NEFL: variants seen among roughly 807,000 people sequenced by gnomAD.
NEFL encodes neurofilament light polypeptide.
In NEFL, 36 loss-of-function variants were observed where a neutral mutation model predicts 51.6. That is an observed-to-expected ratio of 0.70 (90% CI 0.53 to 0.92). The LOEUF (loss-of-function observed/expected upper bound fraction) is 0.92. NEFL is among the 40% of genes least tolerant of loss of function. NEFL has a pLI of 0.00. For missense variants in NEFL, 671 were observed against 722.0 expected, an observed-to-expected ratio of 0.93 and a Z score of 0.81; for synonymous variants, 332 against 302.5, an observed-to-expected ratio of 1.10 and a Z score of -1.01.
chr8:24,953,431 C>T (rs753275620), intron 3 of NEFL, 45 bp downstream of exon 3: 1 of 1,544,976 alleles, frequency 6.5e-7, no homozygotes, highest in Non-Finnish European at 8.7e-7. Context: ...CAAATCTCCA[C>T]ACCCAGTTTA....
At position 24,951,463 on chromosome 8, in the gene NEFL, G is replaced by A. The variant is rs556208645; in HGVS notation, c.*1347C>T. 9.8e-5 allele frequency: 15 copies of A among 152,288 alleles called. No individual in the cohort carries two copies. The highest frequency in any genetic ancestry group is 3.6e-4 in the African/African-American group (15 of 41,562). 9.4% of individuals were successfully genotyped at this position (152,288 alleles called of 1,614,324 possible). A position where few individuals can be genotyped will look rare whatever the true frequency, so the allele number is the denominator to read the frequency against. On this transcript the variant is annotated 3_prime_UTR_variant, in exon 4 of 4. Transcript: ENST00000610854. ...TATATTTATTCCACATCAAATGCAA[G>A]AGCGTTCTTAACTTTACGACAGAAA...
chr8:24,955,983 T>C lies in NEFL; in HGVS notation c.533A>G (p.Tyr178Cys). The C allele has an allele frequency of 1.2e-6, 2 of 1,603,378 alleles. No individual in the cohort carries two copies. Among genetic ancestry groups the C allele is most frequent in the Non-Finnish European group, 1.7e-6 (2 of 1,179,084 alleles). The change falls in exon 1 of 4, where the codon TAT becomes TGT. Residue 178 changes from tyrosine (Y) to cysteine (C), a missense_variant. By Grantham distance (194) the Tyr-to-Cys change is radical. Transcript: ENST00000610854. The surrounding 1 kb of genome is among the most constrained non-coding windows in gnomAD (Gnocchi z 4.0). Reference sequence around the variant, plus strand: ...CTCGCGGCTCAGCACCTCCTCTTCATAGCGCGCCTGCAGGTTGCGCAGGGT... The same window carrying C: ...CTCGCGGCTCAGCACCTCCTCTTCACAGCGCGCCTGCAGGTTGCGCAGGGT... ...EETLRNLQAR[Y>C]EEEVLSREDA...
Position 24,952,677 on chromosome 8 carries a change from G to T in NEFL, c.*133C>A. ...GCACAACATTGAATGTCCAACCTAA[G>T]TCATCTCAGAATTATACATATATTG... On this transcript the variant is annotated 3_prime_UTR_variant, in exon 4 of 4. Transcript: ENST00000610854. 1 of 1,372,790 alleles carries T rather than the reference G, an allele frequency of 7.3e-7. No homozygotes were observed. The highest frequency in any genetic ancestry group is 9.9e-7 in the Non-Finnish European group (1 of 1,008,292). The allele number at this position is 1,372,790 out of a possible 1,614,324, so 85.0% of individuals were successfully genotyped here. A position where few individuals can be genotyped will look rare whatever the true frequency, so the allele number is the denominator to read the frequency against.
rs1158831402 is a variant in NEFL, at chr8:24,955,156, C to T, written c.1044+316G>A. 4.7e-6 allele frequency: 2 copies of T among 425,956 alleles called. No homozygotes were observed. The highest frequency in any genetic ancestry group is 4.0e-5 in the East Asian group (1 of 24,720). The allele number at this position is 425,956 out of a possible 1,614,324, so 26.4% of individuals were successfully genotyped here. On this transcript the variant is annotated intron_variant, in intron 1 of 3. Transcript: ENST00000610854. The surrounding 1 kb of genome is among the most constrained non-coding windows in gnomAD (Gnocchi z 4.0). ...AAAGTAACTTGTGGTTAATGCAGGT[C>T]AGTAGAGAGCTGATCTCACTGCAGG... is the stretch of plus-strand genomic sequence containing the variant.
At position 24,955,995 on chromosome 8, in the gene NEFL, A is replaced by G. The variant is rs768346246; in HGVS notation, c.521T>C (p.Leu174Pro). Residue 174 changes from leucine (L) to proline (P), a missense_variant, in exon 1 of 4, where the codon CTG becomes CCG. Physicochemically the swap from Leu to Pro is moderately conservative, Grantham distance 98 (BLOSUM62 -3). Transcript: ENST00000610854. This position sits in a 1 kb window ranked among gnomAD's most constrained non-coding sequence, Gnocchi z 4.0. ...REGLEETLRN[L>P]QARYEEEVLS... Reference sequence around the variant, plus strand: ...CACCTCCTCTTCATAGCGCGCCTGCAGGTTGCGCAGGGTCTCCTCCAGCCC... The same window carrying G: ...CACCTCCTCTTCATAGCGCGCCTGCGGGTTGCGCAGGGTCTCCTCCAGCCC... 1 of 1,603,758 alleles carries G rather than the reference A, an allele frequency of 6.2e-7. No homozygotes were observed. The highest frequency in any genetic ancestry group is 8.5e-7 in the Non-Finnish European group (1 of 1,179,048).
In NEFL at chr8:24,952,797, A is replaced by C. The variant is rs1245558576; in HGVS notation, c.*13T>G. 6.2e-7 allele frequency: 1 copy of C among 1,613,914 alleles called. No individual in the cohort carries two copies. Among genetic ancestry groups the C allele is most frequent in the Non-Finnish European group, 8.5e-7 (1 of 1,179,870 alleles). On this transcript the variant is annotated 3_prime_UTR_variant, in exon 4 of 4. Coordinates refer to ENST00000610854, the MANE Select transcript of NEFL (RefSeq NM_006158.5). The stretch of plus-strand genomic sequence containing the variant: ...GGGAGAATTATTCCTGAAATAATTA[A>C]GGAAATGGGGGTTCAATCTTTCTTC...
chr8:24,954,755 T>A (rs1563251524), intron 1 of NEFL, among the ~76,000 whole-genome samples: 1 of 152,092 alleles, frequency 6.6e-6, no homozygotes, highest in African/African-American at 2.4e-5. Flanking sequence ...GTATCTAAAT[T>A]ATTTTTTCTA....
At chr8:24,953,820 G>T (rs1298085231) in intron 2 of NEFL, 25 bp from the exon 3 acceptor site, 2 of 1,581,936 alleles carry the variant, frequency 1.3e-6, no homozygotes, top group Middle Eastern at 1.9e-4. Flanking sequence ...GCAAGGTGAG[G>T]TTAAAAAACA....
rs754118787 is a variant in NEFL at position 24,954,219 on chromosome 8, G to A, written c.1131C>T (p.Asn377=). 30 of 1,613,608 alleles carry A rather than the reference G, an allele frequency of 1.9e-5. No homozygotes were observed. The Middle Eastern group carries it at 4.9e-4, about 27-fold the overall frequency. The change falls in exon 2 of 4, where the codon AAC becomes AAT. Residue 377 remains asparagine, a synonymous_variant. Coordinates refer to ENST00000610854, the MANE Select transcript of NEFL (RefSeq NM_006158.5). ...TCTCAATATCCAAAGCCATCTTCAC[G>A]TTGAGGAGGTCTTGGTATTCTTTTA... ...RYLKEYQDLL[N]VKMALDIEIA...
Position 24,955,215 on chromosome 8 carries a change from T to A in NEFL, c.1044+257A>T. 2.4e-6 allele frequency: 1 copy of A among 414,120 alleles called. No individual in the cohort carries two copies. Among genetic ancestry groups the A allele is most frequent in the African/African-American group, 2.3e-5 (1 of 42,906 alleles). 25.7% of individuals were successfully genotyped at this position (414,120 alleles called of 1,614,324 possible). ...AACGCCCAATTCCCACGTCTTCCCC[T>A]CCCCCACCCAACAAGGGCTGGGCAG... On this transcript the variant is annotated intron_variant, in intron 1 of 3. Coordinates refer to ENST00000610854, the MANE Select transcript of NEFL (RefSeq NM_006158.5). This position sits in a 1 kb window ranked among gnomAD's most constrained non-coding sequence, Gnocchi z 4.0.
chr8:24,955,920 G>T lies in NEFL; in HGVS notation c.596C>A (p.Ala199Asp), dbSNP rs1214706801. 3.7e-6 allele frequency: 6 copies of T among 1,604,290 alleles called. No individual in the cohort carries two copies. Among genetic ancestry groups the T allele is most frequent in the Non-Finnish European group, 1.7e-6 (2 of 1,179,634 alleles). Reference sequence around the variant, plus strand: ...GGCGCGAGCGAGCGCCGCCTCGTCGGCGCCTTTGCGCGCTTCCATCAGCCG... The same window carrying T: ...GGCGCGAGCGAGCGCCGCCTCGTCGTCGCCTTTGCGCGCTTCCATCAGCCG... ...EGRLMEARKG[A>D]DEAALARAEL... Residue 199 changes from alanine (A) to aspartate (D), a missense_variant, in exon 1 of 4, where the codon GCC (alanine) becomes GAC (aspartate). Ala to Asp is a moderately radical substitution (Grantham distance 126). Transcript: ENST00000610854. This position sits in a 1 kb window ranked among gnomAD's most constrained non-coding sequence, Gnocchi z 4.0.
At position 24,952,498 on chromosome 8, in the gene NEFL, A is replaced by G. The variant is rs191690954; in HGVS notation, c.*312T>C. 33 of 279,298 alleles carry G rather than the reference A, an allele frequency of 1.2e-4. No homozygotes were observed. The East Asian group carries it at 2.1e-3, about 18-fold the overall frequency. 17.3% of individuals were successfully genotyped at this position (279,298 alleles called of 1,614,324 possible). Reference sequence around the variant, plus strand: ...GTTTAACATTAACATTAGTGAATTCATTTACTCATGTGGTGTTTTTTATTG... The same window carrying G: ...GTTTAACATTAACATTAGTGAATTCGTTTACTCATGTGGTGTTTTTTATTG... On this transcript the variant is annotated 3_prime_UTR_variant, in exon 4 of 4. Transcript: ENST00000610854.
intron 3 of NEFL, 79 bp from the exon 4 acceptor site, chr8:24,953,031 G>C: frequency 6.7e-7 from 1 of 1,482,234 alleles, no homozygotes; most frequent in Non-Finnish European, 9.0e-7. Context: ...GGTTTTATTT[G>C]CAAACACAAC....
rs1366589444 is a variant in NEFL, at chr8:24,956,153, C to A, written c.363G>T (p.Glu121Asp). The A allele has an allele frequency of 6.2e-7, 1 of 1,609,916 alleles. No individual in the cohort carries two copies. The highest frequency in any genetic ancestry group is 8.5e-7 in the Non-Finnish European group (1 of 1,178,784). Residue 121 changes from glutamate to aspartate, a missense_variant, in exon 1 of 4, where the codon GAG becomes GAT. By Grantham distance (45) the Glu-to-Asp change is conservative. Coordinates refer to ENST00000610854, the MANE Select transcript of NEFL (RefSeq NM_006158.5). The surrounding 1 kb of genome is among the most constrained non-coding windows in gnomAD (Gnocchi z 5.9). ...LEQQNKVLEA[E>D]LLVLRQKHSE... ...AGTGCTTCTGGCGCAGCACCAGCAGCTCGGCTTCCAGGACCTTGTTCTGCT... is the reference window on the plus strand; with the variant it reads ...AGTGCTTCTGGCGCAGCACCAGCAGATCGGCTTCCAGGACCTTGTTCTGCT...
chr8:24,952,896 C>T lies in NEFL; in HGVS notation c.1546G>A (p.Glu516Lys), dbSNP rs1802989203. The T allele has an allele frequency of 8.7e-6, 14 of 1,607,300 alleles. No individual in the cohort carries two copies. Among genetic ancestry groups the T allele is most frequent in the Non-Finnish European group, 1.2e-5 (14 of 1,173,962 alleles). ...KEEEEGGEGE[E>K]GEETKEAEEE... ...TCAGCTTCTTTGGTTTCCTCTCCTT[C>T]TTCACCTTCACCTCCTTCTTCTTCT... Residue 516 changes from glutamate (E) to lysine (K), a missense_variant, in exon 4 of 4, where the codon GAA (glutamate) becomes AAA (lysine). Transcript: ENST00000610854.
rs774561954 is a variant in NEFL, at chr8:24,955,519, G to A, written c.997C>T (p.Leu333=). The A allele has an allele frequency of 2.5e-6, 4 of 1,612,694 alleles. No individual in the cohort carries two copies. The East Asian group carries it at 6.7e-5, about 27-fold the overall frequency. The change falls in exon 1 of 4, where the codon CTG becomes TTG. Residue 333 remains leucine, a synonymous_variant. Coordinates refer to ENST00000610854, the MANE Select transcript of NEFL (RefSeq NM_006158.5). This position sits in a 1 kb window ranked among gnomAD's most constrained non-coding sequence, Gnocchi z 4.0. ...TTCTGCTTGTCCTCCAGCTCCTGCA[G>A]CTGCTTCTCCAGCGCTTCATTCATG... is the stretch of plus-strand genomic sequence containing the variant. ...RGMNEALEKQ[L]QELEDKQNAD...
At chr8:24,954,122 T>C in intron 2 of NEFL, 59 bp downstream of exon 2, 1 of 1,605,806 alleles carries the variant, frequency 6.2e-7, no homozygotes, top group East Asian at 2.2e-5. Context: ...TAACTTTAAA[T>C]GGGATCTGAT....
chr8:24,954,504 T>C (rs999086734), intron 1 of NEFL, among the ~76,000 whole-genome samples, 199 bp from the exon 2 acceptor site: 2 of 152,028 alleles, frequency 1.3e-5, no homozygotes, highest in Admixed American at 1.3e-4. Flanking sequence ...AAGCCTGAGA[T>C]GAAAAAAAAG....
intron 3 of NEFL, among the ~76,000 whole-genome samples, chr8:24,953,156 C>A (rs1802992706): frequency 6.6e-6 from 1 of 152,198 alleles, no homozygotes; most frequent in Admixed American, 6.5e-5. Context: ...AATGAGATCA[C>A]TTCTAGGTAT....
Sources: gnomAD v4.1 joint callset for allele counts (sites outside exome capture counted in the v4.1 genomes callset) on GRCh38, gnomAD v4.1.1 for gene constraint, Gnocchi (gnomAD v3.1) non-coding constraint, MANE v1.5 for transcripts, NCBI Gene and HGNC (gene_info 2026-07-23, HGNC 2026-07-21) for gene names.